The following USH2A variants were observed in gnomAD, a reference collection of about 807,000 sequenced individuals.
The protein encoded by USH2A is Usher syndrome 2A (autosomal recessive, mild).
USH2A carries 443 observed loss-of-function variants against 538.9 expected under a neutral mutation model. The ratio of observed to expected loss-of-function variants is 0.82; its 90% CI spans 0.76 to 0.89. USH2A has a LOEUF of 0.89. Ranked by LOEUF, USH2A falls within the 40% of genes least tolerant of loss-of-function variation. The pLI, the probability that USH2A is intolerant of heterozygous loss-of-function variation, is 0.00. For synonymous variants in USH2A, 2,413 were observed against 2,273.5 expected, an observed-to-expected ratio of 1.06 and a Z score of -1.75; for missense variants, 6,633 against 6,324.8, an observed-to-expected ratio of 1.05 and a Z score of -1.65.
intron 41 of USH2A, among the ~76,000 whole-genome samples, chr1:215,883,787 C>T (rs925347056): frequency 6.6e-6 from 1 of 152,144 alleles, no homozygotes; most frequent in Non-Finnish European, 1.5e-5. Flanking sequence ...ATTATTATAA[C>T]TCAATGGCTT....
intron 37 of USH2A, among the ~76,000 whole-genome samples, chr1:215,947,296 A>G (rs115645808): frequency 0.032 from 4,888 of 152,266 alleles, 124 homozygotes; most frequent in South Asian, 0.083. Flanking sequence ...TGCCACCCTC[A>G]GCCTCCCAAA....
At position 216,144,981 on chromosome 1, in the gene USH2A, TAACTC is replaced by T. The variant is rs368832157; in HGVS notation, c.4627+30266_4627+30270del. Among the ~76,000 whole-genome samples the T allele has an allele frequency of 4.2e-3, 645 of 152,302 alleles. 1 individual carries two copies. The highest frequency in any genetic ancestry group is 0.015 in the African/African-American group (619 of 41,546). The stretch of plus-strand genomic sequence containing the variant: ...TATCCAGAGATAACAGTGTGTTCTG[TAACTC>T]AAGGCTAGGCAAGATTCCTGGACTG... On this transcript the variant is annotated intron_variant, in intron 21 of 71. Coordinates refer to ENST00000307340, the MANE Select transcript of USH2A (RefSeq NM_206933.4).
At chr1:216,329,556 C>A (rs2037812812) in intron 4 of USH2A, among the ~76,000 whole-genome samples, 1 of 152,014 alleles carries the variant, frequency 6.6e-6, no homozygotes, top group African/African-American at 2.4e-5. Flanking sequence ...TTTTTCTTTA[C>A]CTTCAACTAT....
chr1:215,701,893 T>C (rs1659029713), intron 61 of USH2A, among the ~76,000 whole-genome samples: 1 of 152,230 alleles, frequency 6.6e-6, no homozygotes, highest in Non-Finnish European at 1.5e-5. Context: ...CACTAGTTGA[T>C]ACAGTTTCTT....
Position 216,246,673 on chromosome 1 carries a change from T to TG in USH2A, c.2720dup (p.Leu908IlefsTer7). ...TTGGGTCACAAATGGTCCCAGGTAA[T>TG]GTCCCCAAGGAATCACACTCACACA... On this transcript the variant is annotated frameshift_variant, in exon 13 of 72. Transcript: ENST00000307340. LOFTEE classifies it high-confidence loss of function. The TG allele has an allele frequency of 6.2e-7, 1 of 1,614,100 alleles. No homozygotes were observed. Among genetic ancestry groups the TG allele is most frequent in the Non-Finnish European group, 8.5e-7 (1 of 1,179,976 alleles).
Position 215,625,594 on chromosome 1 carries a change from TG to T in USH2A, c.*186del. 1.6e-6 allele frequency: 1 copy of T among 635,470 alleles called. No individual in the cohort carries two copies. Among genetic ancestry groups the T allele is most frequent in the East Asian group, 2.8e-5 (1 of 35,962 alleles). The allele number at this position is 635,470 out of a possible 1,614,324, so 39.4% of individuals were successfully genotyped here. On this transcript the variant is annotated 3_prime_UTR_variant, in exon 72 of 72. Coordinates refer to ENST00000307340, the MANE Select transcript of USH2A (RefSeq NM_206933.4). ...TATGAATATTCTCTCTCATTTAAGA[TG>T]AGAAAAATATCATTTCTTAGACCTC...
Position 215,888,994 on chromosome 1 carries a change from G to A in USH2A, c.7655C>T (p.Thr2552Ile). 6.2e-7 allele frequency: 1 copy of A among 1,614,046 alleles called. No individual in the cohort carries two copies. The highest frequency in any genetic ancestry group is 8.5e-7 in the Non-Finnish European group (1 of 1,180,006). ...LDVKSRMMLV[T>I]WQHPRKSNGV... ...ATTGGATTTTCTAGGATGCTGCCAG[G>A]TGACCAACATCATTCTTGACTTCAC... The change falls in exon 41 of 72, where the codon ACC becomes ATC. Residue 2552 changes from threonine (T) to isoleucine (I), a missense_variant. Transcript: ENST00000307340.
At position 215,680,355 on chromosome 1, in the gene USH2A, G is replaced by C. The variant is rs141528682; in HGVS notation, c.12088C>G (p.Leu4030Val). Residue 4030 changes from leucine to valine, a missense_variant, in exon 62 of 72, where the codon CTG (leucine) becomes GTG (valine). Transcript: ENST00000307340. ...TVKGTSHQAH[L>V]YGLEPFTTYR... ...GTTGTGAATGGTTCTAACCCGTACA[G>C]GTGGGCTTGATGGCTTGTTCCCTGT... The C allele has an allele frequency of 1.4e-5, 23 of 1,613,786 alleles. No homozygotes were observed. The highest frequency in any genetic ancestry group is 1.9e-5 in the Non-Finnish European group (22 of 1,179,970).
intron 9 of USH2A, among the ~76,000 whole-genome samples, chr1:216,317,909 C>A (rs1387326285): frequency 6.6e-6 from 1 of 151,888 alleles, no homozygotes; most frequent in East Asian, 1.9e-4. Flanking sequence ...AAAGTGAAAA[C>A]TCTTGCAGAA....
At chr1:216,225,810 A>T (rs1265936230) in intron 14 of USH2A, among the ~76,000 whole-genome samples, 1 of 152,178 alleles carries the variant, frequency 6.6e-6, no homozygotes, top group Non-Finnish European at 1.5e-5. Context: ...ATGAGGAAGT[A>T]ATGGTTAGTT....
chr1:216,365,503 A>G (rs1447492177), intron 3 of USH2A, among the ~76,000 whole-genome samples: 1 of 152,238 alleles, frequency 6.6e-6, no homozygotes, highest in Non-Finnish European at 1.5e-5. Flanking sequence ...GCATGTGGAT[A>G]TAATTCAAGT....
intron 9 of USH2A, among the ~76,000 whole-genome samples, chr1:216,317,663 C>A (rs1571694833): frequency 6.6e-6 from 1 of 151,174 alleles, no homozygotes; most frequent in African/African-American, 2.4e-5. Context: ...GCCTGGCCAA[C>A]AAGGTGAAAC....
At chr1:216,288,307 A>T (rs1278313823) in intron 11 of USH2A, among the ~76,000 whole-genome samples, 1 of 152,116 alleles carries the variant, frequency 6.6e-6, no homozygotes, top group Non-Finnish European at 1.5e-5. Flanking sequence ...CTTTATTAAT[A>T]ATTTTTCTAC....
intron 21 of USH2A, among the ~76,000 whole-genome samples, chr1:216,172,124 ATT>A (rs2034286501): frequency 6.6e-6 from 1 of 152,062 alleles, no homozygotes; most frequent in African/African-American, 2.4e-5. Flanking sequence ...TGCTTGAATT[ATT>A]CTCTTTCTAT....
At chr1:216,394,785 C>T (rs923123793) in intron 3 of USH2A, among the ~76,000 whole-genome samples, 3 of 135,420 alleles carry the variant, frequency 2.2e-5, no homozygotes, top group African/African-American at 8.1e-5. Flanking sequence ...GTGGCGCGAT[C>T]TCCGCTCACT....
At chr1:215,954,804 C>G (rs1667023542) in intron 37 of USH2A, among the ~76,000 whole-genome samples, 2 of 151,916 alleles carry the variant, frequency 1.3e-5, no homozygotes, top group Admixed American at 6.5e-5. Flanking sequence ...TTAAAACAGT[C>G]TGCTGCATGA....
chr1:216,330,641 T>A (rs1244619944), intron 4 of USH2A, among the ~76,000 whole-genome samples: 1 of 151,892 alleles, frequency 6.6e-6, no homozygotes, highest in Admixed American at 6.6e-5. Context: ...AGGTACAAAT[T>A]GTTATATATA....
chr1:216,190,868 A>T (rs1402356886), intron 19 of USH2A, among the ~76,000 whole-genome samples: 1 of 152,106 alleles, frequency 6.6e-6, no homozygotes, highest in Non-Finnish European at 1.5e-5. Context: ...AAAAAATTAA[A>T]CATTAAGCAT....
chr1:215,985,220 A>C (rs887744485), intron 35 of USH2A, among the ~76,000 whole-genome samples: 1 of 152,246 alleles, frequency 6.6e-6, no homozygotes, highest in Non-Finnish European at 1.5e-5. Flanking sequence ...AGAAAATCAA[A>C]TGAAATATCA....
Sources: allele counts gnomAD v4.1 joint callset (sites outside exome capture counted in the v4.1 genomes callset), GRCh38; gene constraint gnomAD v4.1.1; transcripts MANE v1.5; gene names NCBI Gene and HGNC (gene_info 2026-07-23, HGNC 2026-07-21).